The following LPCAT3 variants were observed in gnomAD, a reference collection of about 807,000 sequenced individuals.
LPCAT3 encodes lysophosphatidylcholine acyltransferase 3, also known as lysophospholipid acyltransferase 5.
LPCAT3 carries 21 observed loss-of-function variants against 63.4 expected under a neutral mutation model. The observed-to-expected ratio is 0.33, with a 90% CI of 0.23 to 0.48. The LOEUF is 0.48. Among genes scored for constraint, LPCAT3 ranks in the 20% least tolerant of loss-of-function variants. LPCAT3 has a pLI of 0.99. For missense variants in LPCAT3, 451 were observed against 590.6 expected (o/e 0.76, Z 2.45); for synonymous variants, 242 against 227.5 (o/e 1.06, Z -0.58).
intron 1 of LPCAT3, among the ~76,000 whole-genome samples, chr12:7,015,778 G>GT (rs1162132455): frequency 2.0e-5 from 3 of 152,148 alleles, no homozygotes; most frequent in Admixed American, 2.0e-4. Flanking sequence ...TACACCAAGT[G>GT]TTTATTACTT....
intron 1 of LPCAT3, among the ~76,000 whole-genome samples, chr12:7,006,893 C>T (rs955555704): frequency 6.6e-6 from 1 of 152,232 alleles, no homozygotes; most frequent in South Asian, 2.1e-4. Context: ...TTGGAAACCT[C>T]GAGAGTTATA....
intron 1 of LPCAT3, among the ~76,000 whole-genome samples, chr12:6,993,092 A>C (rs1255779937): frequency 6.6e-6 from 1 of 152,140 alleles, no homozygotes; most frequent in African/African-American, 2.4e-5. Flanking sequence ...CTGAGATATA[A>C]TTTACCATAA....
At chr12:7,011,696 G>A (rs960647906) in intron 1 of LPCAT3, among the ~76,000 whole-genome samples, 4 of 150,972 alleles carry the variant, frequency 2.6e-5, no homozygotes, top group Admixed American at 6.6e-5. Context: ...ATTCCCAAAC[G>A]GGAAGGTTTA....
intron 1 of LPCAT3, among the ~76,000 whole-genome samples, chr12:7,007,493 C>CTTTTTTTT (rs1161030834): frequency 8.2e-6 from 1 of 121,710 alleles, no homozygotes; most frequent in Non-Finnish European, 1.7e-5. Flanking sequence ...TTGACAAAAG[C>CTTTTTTTT]TTTTTTTTTT....
chr12:6,982,896 A>G (rs782379879), intron 2 of LPCAT3, 114 bp from the exon 3 acceptor site: 5 of 684,246 alleles, frequency 7.3e-6, no homozygotes, highest in Non-Finnish European at 1.3e-5. Context: ...CTTTTTTTTC[A>G]GAATAACCTC....
At position 6,987,044 on chromosome 12, in the gene LPCAT3, C is replaced by T. The variant is rs782277153; in HGVS notation, c.152-3505G>A. ...AGGAGAATTGCTTGAACCCAGGAGG[C>T]GGAGGTGGCAGTGAGCTGAGATCAC... On this transcript the variant is annotated intron_variant, in intron 1 of 12. Transcript: ENST00000261407. This position sits in a 1 kb window ranked among gnomAD's most constrained non-coding sequence, Gnocchi z 4.1. 3.0e-4 allele frequency among the ~76,000 whole-genome samples: 45 copies of T among 151,358 alleles called. No homozygotes were observed. The South Asian group carries it at 8.8e-3, about 30-fold the overall frequency.
chr12:6,993,797 A>G (rs1411450878), intron 1 of LPCAT3, among the ~76,000 whole-genome samples: 10 of 152,168 alleles, frequency 6.6e-5, no homozygotes, highest in Non-Finnish European at 1.3e-4. Context: ...AATTTTTTAT[A>G]GACAAGGTCT....
intron 1 of LPCAT3, among the ~76,000 whole-genome samples, chr12:7,006,153 TGA>T (rs1555156849): frequency 2.6e-5 from 4 of 152,238 alleles, no homozygotes; most frequent in Non-Finnish European, 4.4e-5. Context: ...GTGGAAAGGT[TGA>T]GAGGCGCTGG....
At chr12:6,986,975 G>A (rs781898101) in intron 1 of LPCAT3, among the ~76,000 whole-genome samples, 38 of 151,916 alleles carry the variant, frequency 2.5e-4, no homozygotes, top group Admixed American at 4.6e-4. Context: ...TTAGTTAGGC[G>A]TGGTGCAGGC....
chr12:6,993,286 T>G (rs1468616989), intron 1 of LPCAT3, among the ~76,000 whole-genome samples: 1 of 151,772 alleles, frequency 6.6e-6, no homozygotes, highest in African/African-American at 2.4e-5. Flanking sequence ...AACAAAAAAT[T>G]AGCTGGGCGT....
chr12:7,005,420 T>C (rs1946719578), intron 1 of LPCAT3, among the ~76,000 whole-genome samples: 1 of 152,260 alleles, frequency 6.6e-6, no homozygotes, highest in East Asian at 1.9e-4. Flanking sequence ...CAAGTTTTTG[T>C]GTGAATCTAT....
rs1946475083 is a variant in LPCAT3 at position 6,981,888 on chromosome 12, C to G, written c.383G>C (p.Gly128Ala). ...FCFQMAYLLAGYYYTATGNYD... is the reference protein window; with the variant it reads ...FCFQMAYLLAAYYYTATGNYD... ...GTTGCCGGTGGCAGTGTAATAGTAT[C>G]CAGCCAGAAGGTAGGCCTAGGAGAG... The change falls in exon 4 of 13, where the codon GGA becomes GCA. Residue 128 changes from glycine to alanine, a missense_variant. Transcript: ENST00000261407. 6.2e-7 allele frequency: 1 copy of G among 1,608,380 alleles called. No homozygotes were observed. The highest frequency in any genetic ancestry group is 1.1e-5 in the South Asian group (1 of 90,964).
intron 1 of LPCAT3, among the ~76,000 whole-genome samples, chr12:6,986,549 C>G (rs1946527701): frequency 6.6e-6 from 1 of 151,892 alleles, no homozygotes; most frequent in Non-Finnish European, 1.5e-5. Context: ...CTTTGGGAGG[C>G]TGAAGCAGGT....
Position 6,982,733 on chromosome 12 carries a change from G to A in LPCAT3, c.309C>T (p.Ile103=). ...SLLCIVLQFL[I]LRLMGRTITA... ...TGATGGTGCGGCCCATTAGTCGAAG[G>A]ATGAGGAACTGAAGCACAATACACA... Residue 103 remains isoleucine (I), a synonymous_variant, in exon 3 of 13, where the codon ATC becomes ATT. Transcript: ENST00000261407. The A allele has an allele frequency of 6.2e-7, 1 of 1,614,088 alleles. No homozygotes were observed. Among genetic ancestry groups the A allele is most frequent in the Non-Finnish European group, 8.5e-7 (1 of 1,179,962 alleles).
chr12:6,993,405 G>A (rs1591552234), intron 1 of LPCAT3, among the ~76,000 whole-genome samples: 1 of 151,810 alleles, frequency 6.6e-6, no homozygotes, highest in East Asian at 1.9e-4. Context: ...CTGCACTCCA[G>A]CCTGGCAACA....
Position 7,018,434 on chromosome 12 carries a change from G to C in LPCAT3, c.-10C>G, listed in dbSNP as rs1555157812. ...CCGCTGAGGACGCCATCTTAACTCCGGGAGCCCCACAGGGACCCCCCAGCT... is the reference window on the plus strand; with the variant it reads ...CCGCTGAGGACGCCATCTTAACTCCCGGAGCCCCACAGGGACCCCCCAGCT... On this transcript the variant is annotated 5_prime_UTR_variant, in exon 1 of 13. Coordinates refer to ENST00000261407, the MANE Select transcript of LPCAT3 (RefSeq NM_005768.6). This position sits in a 1 kb window ranked among gnomAD's most constrained non-coding sequence, Gnocchi z 4.9. 1 of 1,593,346 alleles carries C rather than the reference G, an allele frequency of 6.3e-7. No homozygotes were observed. The highest frequency in any genetic ancestry group is 1.1e-5 in the South Asian group (1 of 88,304).
chr12:6,985,450 C>T (rs218743), intron 1 of LPCAT3, among the ~76,000 whole-genome samples: 12 of 151,882 alleles, frequency 7.9e-5, no homozygotes, highest in Non-Finnish European at 1.3e-4. Context: ...CAGTGGCTCA[C>T]GCCTGTAAAC....
At chr12:6,983,613 G>T in intron 1 of LPCAT3, 74 bp from the exon 2 acceptor site, 1 of 904,882 alleles carries the variant, frequency 1.1e-6, no homozygotes, top group African/African-American at 1.7e-5. Context: ...AAGTTTATCT[G>T]GCATGAAACG....
intron 1 of LPCAT3, among the ~76,000 whole-genome samples, chr12:7,009,682 A>G (rs1444174762): frequency 6.6e-6 from 1 of 152,242 alleles, no homozygotes; most frequent in Non-Finnish European, 1.5e-5. Flanking sequence ...TCTTGGGTCA[A>G]GCATGGTTAA....
Sources: allele counts gnomAD v4.1 joint callset (sites outside exome capture counted in the v4.1 genomes callset), GRCh38; gene constraint gnomAD v4.1.1; non-coding constraint Gnocchi (gnomAD v3.1); transcripts MANE v1.5; gene names NCBI Gene and HGNC (gene_info 2026-07-23, HGNC 2026-07-21).